Variants in EEF2K observed in about 807,000 individuals in gnomAD.
The protein encoded by EEF2K is alternative protein EEF2K.
In EEF2K, 70 loss-of-function variants were observed where a neutral mutation model predicts 93.8. The observed-to-expected ratio is 0.75, with a 90% confidence interval of 0.62 to 0.91. EEF2K has a LOEUF of 0.91. Among genes scored for constraint, EEF2K ranks in the 40% least tolerant of loss-of-function variants. EEF2K has a pLI of 0.00. For missense variants in EEF2K, 935 were observed against 972.9 expected, an observed-to-expected ratio of 0.96 and a Z score of 0.52; for synonymous variants, 376 against 380.8, an observed-to-expected ratio of 0.99 and a Z score of 0.15.
chr16:22,245,259 C>T (rs1567273447), intron 3 of EEF2K, among the ~76,000 whole-genome samples: 1 of 152,154 alleles, frequency 6.6e-6, no homozygotes, highest in Non-Finnish European at 1.5e-5. Context: ...CAGAGTAACA[C>T]TCCATGTCAA....
At chr16:22,256,371 T>G (rs2047398772) in intron 6 of EEF2K, among the ~76,000 whole-genome samples, 1 of 152,090 alleles carries the variant, frequency 6.6e-6, no homozygotes, top group African/African-American at 2.4e-5. Context: ...GGGCTGGGAT[T>G]ACAGGTGTGA....
intron 16 of EEF2K, 28 bp from the exon 17 acceptor site, chr16:22,280,170 C>T (rs373923807): frequency 9.0e-6 from 13 of 1,445,866 alleles, no homozygotes; most frequent in Non-Finnish European, 1.2e-5. Flanking sequence ...TGGTAACCTC[C>T]ACCTTTCCCT....
rs116341661 is a variant in EEF2K, at chr16:22,214,990, C to T, written c.-77+8311C>T. 2.6e-3 allele frequency among the ~76,000 whole-genome samples: 402 copies of T among 152,302 alleles called. 2 individuals carry two copies. The highest frequency in any genetic ancestry group is 9.3e-3 in the African/African-American group (386 of 41,574). On this transcript the variant is annotated intron_variant, in intron 1 of 17. Coordinates refer to ENST00000263026, the MANE Select transcript of EEF2K (RefSeq NM_013302.5). ...GTTTAAAAACCCTCTAGAGGTTTCC[C>T]ATTGGTTACTTGATGTACACCCTAT...
chr16:22,215,878 T>C (rs2046953285), intron 1 of EEF2K, among the ~76,000 whole-genome samples: 1 of 152,092 alleles, frequency 6.6e-6, no homozygotes, highest in Non-Finnish European at 1.5e-5. Flanking sequence ...TAAGCCGAGA[T>C]CACGCCACTG....
Position 22,250,649 on chromosome 16 carries a change from T to G in EEF2K, c.409-5T>G. On this transcript the variant is annotated splice_polypyrimidine_tract_variant and splice_region_variant and intron_variant, in intron 4 of 17. Transcript: ENST00000263026. ...ACTGATAACACTCTGTGTGGTGTCT[T>G]TCAGCCCTTCGGCCGAGGAGCAATG... 6.2e-7 allele frequency: 1 copy of G among 1,614,194 alleles called. No homozygotes were observed. Among genetic ancestry groups the G allele is most frequent in the Non-Finnish European group, 8.5e-7 (1 of 1,180,026 alleles).
chr16:22,207,722 C>T lies in EEF2K; in HGVS notation c.-77+1043C>T, dbSNP rs371988243. 2.6e-5 allele frequency among the ~76,000 whole-genome samples: 4 copies of T among 152,098 alleles called. No individual in the cohort carries two copies. In the East Asian group the frequency reaches 7.7e-4, roughly 29 times the overall value. ...TTTTAGCGAGGAGGAAACCGAGGGT[C>T]AGAGTGATCCCCAGGCCCACAGAAG... On this transcript the variant is annotated intron_variant, in intron 1 of 17. Transcript: ENST00000263026.
intron 1 of EEF2K, among the ~76,000 whole-genome samples, chr16:22,223,115 A>G (rs142028995): frequency 6.6e-6 from 1 of 152,066 alleles, no homozygotes; most frequent in East Asian, 1.9e-4. Context: ...GAATTAGTCA[A>G]TGTATATAGT....
intron 2 of EEF2K, among the ~76,000 whole-genome samples, chr16:22,242,827 G>A (rs933871388): frequency 7.9e-5 from 12 of 152,268 alleles, no homozygotes; most frequent in Non-Finnish European, 1.8e-4. Context: ...TAAATGCTAT[G>A]TTATGTGTAA....
intron 14 of EEF2K, 33 bp from the exon 15 acceptor site, chr16:22,266,655 A>C: frequency 6.3e-7 from 1 of 1,588,470 alleles, no homozygotes; most frequent in Non-Finnish European, 8.6e-7. Flanking sequence ...GGCCCGCCAG[A>C]CAGCCAGGCC....
chr16:22,255,081 TGAAAG>T (rs1254676062), intron 6 of EEF2K, among the ~76,000 whole-genome samples: 1 of 152,058 alleles, frequency 6.6e-6, no homozygotes, highest in African/African-American at 2.4e-5. Context: ...TAAAATAAAA[TGAAAG>T]CAAACATTGC....
chr16:22,283,352 A>G (rs1234278685), intron 17 of EEF2K, among the ~76,000 whole-genome samples: 1 of 151,704 alleles, frequency 6.6e-6, no homozygotes, highest in Non-Finnish European at 1.5e-5. Context: ...ATGCAAATCT[A>G]TAATCTTTTA....
rs540603018 is a variant in EEF2K at position 22,286,898 on chromosome 16, A to G, written c.*2902A>G. On this transcript the variant is annotated 3_prime_UTR_variant, in exon 18 of 18. Transcript: ENST00000263026. ...ATTGGCTGGAACTGTCACCCCCGCAATTCTACTCCCCACCCACCCATGTGA... is the reference window on the plus strand; with the variant it reads ...ATTGGCTGGAACTGTCACCCCCGCAGTTCTACTCCCCACCCACCCATGTGA... The G allele has an allele frequency of 3.3e-5, 5 of 152,424 alleles. No homozygotes were observed. The highest frequency in any genetic ancestry group is 5.9e-5 in the Non-Finnish European group (4 of 68,132). The allele number at this position is 152,424 out of a possible 1,614,324, so 9.4% of individuals were successfully genotyped here. A position where few individuals can be genotyped will look rare whatever the true frequency, so the allele number is the denominator to read the frequency against.
At chr16:22,276,459 C>A (rs2047636152) in intron 16 of EEF2K, among the ~76,000 whole-genome samples, 1 of 152,136 alleles carries the variant, frequency 6.6e-6, no homozygotes, top group African/African-American at 2.4e-5. Flanking sequence ...GTTCCAACCC[C>A]ACCCATGCAA....
chr16:22,224,868 G>T (rs568334321), intron 1 of EEF2K, among the ~76,000 whole-genome samples: 11 of 151,874 alleles, frequency 7.2e-5, no homozygotes, highest in Non-Finnish European at 1.3e-4. Context: ...CAGCAGAATC[G>T]CTTGAACCTG....
Position 22,260,525 on chromosome 16 carries a change from AC to A in EEF2K, c.1297del (p.Arg433GlyfsTer51), listed in dbSNP as rs773668233. ...AGAGACCATGATCATCTAGACAACC[AC>A]CGGGTGAGTGTGAAGGGAGGGAGGC... Reference protein sequence around the residue: ...ASRDHDHLDNHRESENSGDSG... With the variant: ...ASRDHDHLDNXRESENSGDSG... On this transcript the variant is annotated frameshift_variant, in exon 11 of 18. Coordinates refer to ENST00000263026, the MANE Select transcript of EEF2K (RefSeq NM_013302.5). LOFTEE classifies it high-confidence loss of function. 5.0e-5 allele frequency: 81 copies of A among 1,613,938 alleles called. No homozygotes were observed. The highest frequency in any genetic ancestry group is 6.4e-5 in the Non-Finnish European group (76 of 1,180,014).
intron 2 of EEF2K, among the ~76,000 whole-genome samples, chr16:22,229,060 A>C (rs2047091237): frequency 6.6e-6 from 1 of 152,056 alleles, no homozygotes; most frequent in African/African-American, 2.4e-5. Flanking sequence ...AATCCCTTGA[A>C]CCCAGGAGGC....
chr16:22,216,484 T>C (rs1362855041), intron 1 of EEF2K, among the ~76,000 whole-genome samples: 1 of 152,226 alleles, frequency 6.6e-6, no homozygotes. Context: ...TGCTTACTTA[T>C]CACTCATTCA....
Position 22,256,763 on chromosome 16 carries a change from A to G in EEF2K, c.634A>G (p.Met212Val), listed in dbSNP as rs751003245. The G allele has an allele frequency of 4.3e-6, 7 of 1,613,940 alleles. No homozygotes were observed. The highest frequency in any genetic ancestry group is 5.1e-6 in the Non-Finnish European group (6 of 1,179,966). Residue 212 changes from methionine to valine, a missense_variant, in exon 7 of 18, where the codon ATG becomes GTG. Transcript: ENST00000263026. ...ATCCCACCAGGTGGACATCATGCAGATGTGCATCATCGAGCTGAAGGACAG... is the reference window on the plus strand; with the variant it reads ...ATCCCACCAGGTGGACATCATGCAGGTGTGCATCATCGAGCTGAAGGACAG... ...KPPKQVDIMQ[M>V]CIIELKDRPG... is the part of the protein sequence containing the mutation.
At position 22,258,706 on chromosome 16, in the gene EEF2K, G is replaced by GTT. The variant is rs770646648; in HGVS notation, c.1231+12_1231+13dup. On this transcript the variant is annotated intron_variant, in intron 10 of 17. Transcript: ENST00000263026. ...AGCTAGACCACCTCCGTGAGTGACG[G>GTT]TTCGGTCCCTAGTCACTGTGATTGG... The GTT allele has an allele frequency of 5.0e-6, 8 of 1,613,896 alleles. No homozygotes were observed. In the African/African-American group the frequency reaches 9.3e-5, roughly 19 times the overall value.
Sources: allele counts gnomAD v4.1 joint callset (sites outside exome capture counted in the v4.1 genomes callset), GRCh38; gene constraint gnomAD v4.1.1; transcripts MANE v1.5; gene names NCBI Gene and HGNC (gene_info 2026-07-23, HGNC 2026-07-21).